The following PTBP3 variants were observed in gnomAD, a reference collection of about 807,000 sequenced individuals.
PTBP3 encodes polypyrimidine tract binding protein 3.
Under a neutral mutation model 58.7 loss-of-function variants are expected in PTBP3, and 20 were observed. The ratio of observed to expected loss-of-function variants is 0.34; its 90% confidence interval spans 0.24 to 0.50. The LOEUF (loss-of-function observed/expected upper bound fraction) is 0.50. PTBP3 is among the 20% of genes least tolerant of loss of function. PTBP3 has a pLI of 0.98. For synonymous variants in PTBP3, 185 were observed against 219.8 expected, an observed-to-expected ratio of 0.84 and a Z score of 1.40; for missense variants, 509 against 637.2, an observed-to-expected ratio of 0.80 and a Z score of 2.17.
intron 4 of PTBP3, among the ~76,000 whole-genome samples, chr9:112,264,912 A>C (rs1305550499): frequency 1.3e-5 from 2 of 152,204 alleles, no homozygotes; most frequent in Non-Finnish European, 2.9e-5. Context: ...TTTAGGAATC[A>C]CACTAATGAG....
At chr9:112,329,750 G>A (rs538132297) in intron 1 of PTBP3, among the ~76,000 whole-genome samples, 1 of 151,524 alleles carries the variant, frequency 6.6e-6, no homozygotes, top group African/African-American at 2.4e-5. Context: ...AGGCACTGAA[G>A]AAAGAAGTGT....
At chr9:112,249,413 A>T (rs1343552432) in intron 7 of PTBP3, among the ~76,000 whole-genome samples, 3 of 152,186 alleles carry the variant, frequency 2.0e-5, no homozygotes, top group Non-Finnish European at 4.4e-5. Context: ...GAAACCTTTA[A>T]AAGAGAAAGA....
At chr9:112,356,627 C>T in the PTBP3 span, among the ~76,000 whole-genome samples, 19 of 151,388 alleles carry the variant, frequency 1.3e-4, no homozygotes, top group East Asian at 2.7e-3. Flanking sequence ...GTAGTCACTC[C>T]GCTGCTTGTG....
At chr9:112,274,855 A>G (rs1827540533) in intron 3 of PTBP3, among the ~76,000 whole-genome samples, 1 of 152,220 alleles carries the variant, frequency 6.6e-6, no homozygotes, top group South Asian at 2.1e-4. Context: ...GCAACCAATC[A>G]GAAAGAGCGT....
At chr9:112,260,643 G>A (rs1167343652) in intron 5 of PTBP3, among the ~76,000 whole-genome samples, 1 of 152,224 alleles carries the variant, frequency 6.6e-6, no homozygotes, top group African/African-American at 2.4e-5. Context: ...ATAGGGAAGG[G>A]AGGTAGGGAG....
chr9:112,342,806 A>G, the PTBP3 span, among the ~76,000 whole-genome samples: 3 of 150,744 alleles, frequency 2.0e-5, no homozygotes, highest in Non-Finnish European at 4.4e-5. Flanking sequence ...ACTTTTGTTT[A>G]CAAGTTCTAC....
upstream of PTBP3, among the ~76,000 whole-genome samples, chr9:112,335,677 C>T (rs1221070476): frequency 2.2e-5 from 3 of 137,032 alleles, no homozygotes; most frequent in Admixed American, 1.4e-4. Context: ...AATCCCAGCA[C>T]TTTGGGAGGC....
intron 2 of PTBP3, among the ~76,000 whole-genome samples, chr9:112,290,738 A>ACACACACACACACACACT (rs1564438731): frequency 6.7e-6 from 1 of 148,494 alleles, no homozygotes; most frequent in African/African-American, 2.5e-5. Flanking sequence ...ACACACACAC[A>ACACACACACACACACACT]ATCAAGTGTT....
At chr9:112,301,951 T>TCC (rs1272538699) in intron 1 of PTBP3, among the ~76,000 whole-genome samples, 1 of 152,138 alleles carries the variant, frequency 6.6e-6, no homozygotes, top group Non-Finnish European at 1.5e-5. Context: ...GCCAAAGGAT[T>TCC]CCTACTGGCT....
At chr9:112,330,112 C>T (rs1830309865) in intron 1 of PTBP3, among the ~76,000 whole-genome samples, 2 of 152,124 alleles carry the variant, frequency 1.3e-5, no homozygotes, top group Non-Finnish European at 2.9e-5. Context: ...TCTCAGCCTC[C>T]CAAACTGCTG....
intron 7 of PTBP3, among the ~76,000 whole-genome samples, chr9:112,244,269 AAC>A (rs1401356444): frequency 8.7e-6 from 1 of 114,386 alleles, no homozygotes; most frequent in African/African-American, 3.7e-5. Context: ...CAGCCTGGGC[AAC>A]AGAGTGAGAC....
chr9:112,319,455 GTT>G (rs1402998805), intron 1 of PTBP3, among the ~76,000 whole-genome samples: 1 of 152,138 alleles, frequency 6.6e-6, no homozygotes, highest in Non-Finnish European at 1.5e-5. Context: ...ATAAAAACGT[GTT>G]TAACATCACT....
chr9:112,332,914 G>C lies in PTBP3; in HGVS notation c.-52+556C>G, dbSNP rs1228570391. 38 of 1,567,802 alleles carry C rather than the reference G, an allele frequency of 2.4e-5. No homozygotes were observed. The East Asian group carries it at 8.5e-4, about 35-fold the overall frequency. Reference sequence around the variant, plus strand: ...CTCACAGCACAAGTCGGGAGACCTCGGCCAAGTCCCGCGGCGGCCCTGGGA... The same window carrying C: ...CTCACAGCACAAGTCGGGAGACCTCCGCCAAGTCCCGCGGCGGCCCTGGGA... On this transcript the variant is annotated intron_variant, in intron 1 of 13. Transcript: ENST00000374257.
At chr9:112,286,229 G>A (rs1343180569) in intron 2 of PTBP3, among the ~76,000 whole-genome samples, 3 of 152,264 alleles carry the variant, frequency 2.0e-5, no homozygotes, top group African/African-American at 7.2e-5. Context: ...TACACATCAA[G>A]TAACTCAGTC....
chr9:112,233,953 G>C (rs368444022), intron 8 of PTBP3, among the ~76,000 whole-genome samples: 1 of 87,554 alleles, frequency 1.1e-5, no homozygotes, highest in Non-Finnish European at 2.4e-5. Flanking sequence ...AAAAAAAAGA[G>C]AGAGAGAGAG....
chr9:112,379,540 C>G, the PTBP3 span, among the ~76,000 whole-genome samples: 27 of 152,338 alleles, frequency 1.8e-4, no homozygotes, highest in East Asian at 4.4e-3. Context: ...AGCTATCTAC[C>G]GATGCACAAG....
rs1371933998 is a variant in PTBP3, at chr9:112,223,495, G to A, written c.*356C>T. The A allele has an allele frequency of 2.2e-6, 2 of 917,452 alleles. No individual in the cohort carries two copies. The highest frequency in any genetic ancestry group is 5.6e-5 in the Admixed American group (1 of 17,962). 56.8% of individuals were successfully genotyped at this position (917,452 alleles called of 1,614,324 possible). A position where few individuals can be genotyped will look rare whatever the true frequency, so the allele number is the denominator to read the frequency against. The stretch of plus-strand genomic sequence containing the variant: ...TTAAATTTTTTAAAAGTACAAATGA[G>A]TTTAGAAATGTTGTATAAGGCTGAT... On this transcript the variant is annotated 3_prime_UTR_variant, in exon 14 of 14. Coordinates refer to ENST00000374257, the MANE Select transcript of PTBP3 (RefSeq NM_001163788.4).
chr9:112,244,406 G>T (rs1405925972), intron 7 of PTBP3, among the ~76,000 whole-genome samples: 1 of 151,850 alleles, frequency 6.6e-6, no homozygotes, highest in Non-Finnish European at 1.5e-5. Context: ...GGCTGCAGTG[G>T]CTCACGCTGG....
the PTBP3 span, among the ~76,000 whole-genome samples, chr9:112,372,109 G>C: frequency 1.3e-5 from 2 of 151,690 alleles, no homozygotes; most frequent in African/African-American, 4.8e-5. Flanking sequence ...GTCTTATTCT[G>C]TCACCAAGGC....
Sources: allele counts gnomAD v4.1 joint callset (sites outside exome capture counted in the v4.1 genomes callset), GRCh38; gene constraint gnomAD v4.1.1; transcripts MANE v1.5; gene names NCBI Gene and HGNC (gene_info 2026-07-23, HGNC 2026-07-21).